Variants in TENM1 observed in about 807,000 individuals in gnomAD.
TENM1 encodes teneurin-1.
TENM1 carries 35 observed loss-of-function variants against 174.8 expected under a neutral mutation model. The ratio of observed to expected loss-of-function variants is 0.20; its 90% CI spans 0.15 to 0.27. TENM1 has a LOEUF of 0.27. TENM1 is among the 10% of genes least tolerant of loss of function. The probability of loss-of-function intolerance (pLI) is 1.00; values close to 1 mark genes in which losing one functional copy is unlikely to be tolerated. For missense variants in TENM1, 1,633 were observed against 2,130.1 expected (o/e 0.77, Z 4.59); for synonymous variants, 781 against 798.7 (o/e 0.98, Z 0.37).
intron 3 of TENM1, among the ~76,000 whole-genome samples, chrX:124,752,385 T>G (rs1457303509): frequency 1.8e-5 from 2 of 111,694 alleles, no homozygotes; most frequent in Non-Finnish European, 3.8e-5. Context: ...GTAGATTCTG[T>G]GTATTAGCCC....
At chrX:124,442,703 TCCAGGCTGGAGTGCAGTGGCA>T (rs2060916558) in intron 23 of TENM1, among the ~76,000 whole-genome samples, 1 of 111,493 alleles carries the variant, frequency 9.0e-6, no homozygotes, top group Non-Finnish European at 1.9e-5. Flanking sequence ...CACTCTGTCA[TCCAGGCTGGAGTGCAGTGGCA>T]CAATCACAGC....
At chrX:125,179,653 C>T in the TENM1 span, among the ~76,000 whole-genome samples, 1 of 110,743 alleles carries the variant, frequency 9.0e-6, no homozygotes, top group Non-Finnish European at 1.9e-5. Flanking sequence ...TATCTCAAAT[C>T]CCATGGTTCT....
At chrX:124,891,255 G>A (rs927192367) in intron 3 of TENM1, among the ~76,000 whole-genome samples, 5 of 111,299 alleles carry the variant, frequency 4.5e-5, no homozygotes, top group African/African-American at 1.6e-4. Context: ...CAGGGTGACT[G>A]TAGTCAATGT....
At chrX:124,890,831 A>G (rs1159784045) in intron 3 of TENM1, among the ~76,000 whole-genome samples, 3 of 111,967 alleles carry the variant, frequency 2.7e-5, no homozygotes, top group Non-Finnish European at 5.6e-5. Context: ...ACTACTATGT[A>G]TACATGCAAA....
At chrX:125,002,571 T>A in the TENM1 span, among the ~76,000 whole-genome samples, 2 of 110,867 alleles carry the variant, frequency 1.8e-5, no homozygotes, top group African/African-American at 6.6e-5. Flanking sequence ...CCCTTTTCCA[T>A]CACAGACTTG....
chrX:124,813,206 CCTT>C (rs200765183), intron 3 of TENM1, among the ~76,000 whole-genome samples: 1,287 of 111,233 alleles, frequency 0.012, 15 homozygotes, highest in African/African-American at 0.037. Flanking sequence ...GGCTGCCTCT[CCTT>C]CATAATAAAA....
chrX:124,564,648 T>C (rs923595472), intron 12 of TENM1, among the ~76,000 whole-genome samples: 3 of 112,196 alleles, frequency 2.7e-5, no homozygotes, highest in African/African-American at 9.7e-5. Flanking sequence ...GATAGAAATA[T>C]ATGTTAAGGG....
At chrX:125,168,607 C>T in the TENM1 span, among the ~76,000 whole-genome samples, 18 of 111,086 alleles carry the variant, frequency 1.6e-4, no homozygotes, top group Admixed American at 2.9e-4. Flanking sequence ...CCTGGGTGGG[C>T]CTGGCCTAAT....
At chrX:124,980,814 C>G in the TENM1 span, among the ~76,000 whole-genome samples, 1 of 110,847 alleles carries the variant, frequency 9.0e-6, no homozygotes, top group Non-Finnish European at 1.9e-5. Context: ...AGAAATGCAC[C>G]AAAATATTTA....
intron 11 of TENM1, among the ~76,000 whole-genome samples, chrX:124,574,318 T>C (rs2049118517): frequency 9.0e-6 from 1 of 111,318 alleles, no homozygotes; most frequent in East Asian, 2.8e-4. Context: ...AAGTTTCTAG[T>C]AATGTAAACT....
intron 4 of TENM1, among the ~76,000 whole-genome samples, chrX:124,709,569 C>T (rs1294001797): frequency 9.2e-6 from 1 of 108,917 alleles, no homozygotes; most frequent in Non-Finnish European, 1.9e-5. Context: ...CTCATTTTGA[C>T]GTTAGGGAAA....
intron 11 of TENM1, among the ~76,000 whole-genome samples, chrX:124,611,316 T>C (rs1182428787): frequency 2.7e-5 from 3 of 111,564 alleles, no homozygotes. Context: ...CCAGAGCAAG[T>C]CACGTGATGA....
intron 14 of TENM1, among the ~76,000 whole-genome samples, chrX:124,554,804 AT>A (rs2048657839): frequency 8.9e-6 from 1 of 111,776 alleles, no homozygotes; most frequent in African/African-American, 3.2e-5. Context: ...AGGCTTGCAA[AT>A]AGCTATTGCT....
At chrX:124,917,353 T>C (rs1283165718) in intron 1 of TENM1, among the ~76,000 whole-genome samples, 1 of 112,083 alleles carries the variant, frequency 8.9e-6, no homozygotes, top group Non-Finnish European at 1.9e-5. Context: ...TAGTTGGAGT[T>C]GGGCTACCAC....
At chrX:124,506,859 T>C (rs908427627) in intron 18 of TENM1, among the ~76,000 whole-genome samples, 2 of 111,962 alleles carry the variant, frequency 1.8e-5, no homozygotes, top group Admixed American at 1.9e-4. Flanking sequence ...ATGCACTAAA[T>C]GCCTACTTTT....
chrX:124,481,866 G>C, exon 22 of TENM1: 1 of 1,205,661 alleles, frequency 8.3e-7, no homozygotes, highest in East Asian at 3.0e-5. Flanking sequence ...CTCCACAAGA[G>C]ATTTCAACTT....
At chrX:124,749,911 T>C (rs1490558273) in intron 3 of TENM1, among the ~76,000 whole-genome samples, 2 of 111,795 alleles carry the variant, frequency 1.8e-5, no homozygotes, top group South Asian at 3.7e-4. Context: ...CAGACCAGGA[T>C]TGTATGTCAA....
chrX:125,095,589 T>C, the TENM1 span, among the ~76,000 whole-genome samples: 1 of 112,308 alleles, frequency 8.9e-6, no homozygotes, highest in Non-Finnish European at 1.9e-5. Flanking sequence ...AAAGTATCTA[T>C]TATTTTACAA....
chrX:124,639,014 C>T (rs1030026362), intron 11 of TENM1, among the ~76,000 whole-genome samples: 6 of 111,843 alleles, frequency 5.4e-5, no homozygotes, highest in Admixed American at 1.9e-4. Context: ...CCAATAATCA[C>T]ATTGCACATG....
Sources: gnomAD v4.1 joint callset for allele counts (sites outside exome capture counted in the v4.1 genomes callset) on GRCh38, gnomAD v4.1.1 for gene constraint, MANE v1.5 for transcripts, NCBI Gene and HGNC (gene_info 2026-07-23, HGNC 2026-07-21) for gene names.